Variants in KRT20 observed in about 807,000 individuals in gnomAD.
KRT20 encodes keratin 20, also known as keratin, type I cytoskeletal 20.
Under a neutral mutation model 43.0 loss-of-function variants are expected in KRT20, and 41 were observed. The observed-to-expected ratio is 0.95, with a 90% CI of 0.74 to 1.24. The LOEUF (loss-of-function observed/expected upper bound fraction) is 1.24, where lower values mean the gene tolerates loss of function less well. Ranked by LOEUF, KRT20 falls within the 50% of genes most tolerant of loss-of-function variation. KRT20 has a pLI of 0.00. For missense variants in KRT20, 533 were observed against 521.2 expected, an observed-to-expected ratio of 1.02 and a Z score of -0.22; for synonymous variants, 207 against 200.6, an observed-to-expected ratio of 1.03 and a Z score of -0.27.
At chr17:40,879,976 T>G in intron 4 of KRT20, 38 bp from the exon 5 acceptor site, 1 of 1,598,852 alleles carries the variant, frequency 6.3e-7, no homozygotes, top group Non-Finnish European at 8.5e-7. Flanking sequence ...AGTTGAGGGG[T>G]GGAAATAAGA....
intron 5 of KRT20, among the ~76,000 whole-genome samples, chr17:40,879,349 T>A (rs1907485204): frequency 6.6e-6 from 1 of 152,172 alleles, no homozygotes; most frequent in Non-Finnish European, 1.5e-5. Context: ...GATTTTGAGA[T>A]CTGGTATAAT....
At chr17:40,881,455 G>A (rs376275040) in intron 2 of KRT20, among the ~76,000 whole-genome samples, 5 of 152,112 alleles carry the variant, frequency 3.3e-5, no homozygotes, top group African/African-American at 7.2e-5. Context: ...GTTTTGCCAC[G>A]TTGCCCAAGC....
At chr17:40,881,491 G>A (rs532478892) in intron 2 of KRT20, among the ~76,000 whole-genome samples, 1 of 152,250 alleles carries the variant, frequency 6.6e-6, no homozygotes, top group African/African-American at 2.4e-5. Flanking sequence ...GGACTCAAGT[G>A]AGCCTCCTGC....
chr17:40,878,905 G>T (rs535596238), intron 5 of KRT20, among the ~76,000 whole-genome samples: 4 of 151,842 alleles, frequency 2.6e-5, no homozygotes, highest in Non-Finnish European at 4.4e-5. Flanking sequence ...GGGTTCAAGC[G>T]ATTCTCCTGC....
At chr17:40,884,585 T>C (rs542170921) in intron 1 of KRT20, among the ~76,000 whole-genome samples, 1 of 152,346 alleles carries the variant, frequency 6.6e-6, no homozygotes, top group Non-Finnish European at 1.5e-5. Context: ...TGTATGTAAT[T>C]GTGTTAAACA....
rs377652428 is a variant in KRT20 at position 40,878,169 on chromosome 17, C to T, written c.1115G>A (p.Arg372His). Residue 372 changes from arginine (R) to histidine (H), a missense_variant, in exon 6 of 8, where the codon CGC becomes CAC. Arg to His is a conservative substitution (Grantham distance 29, BLOSUM62 0). Coordinates refer to ENST00000167588, the MANE Select transcript of KRT20 (RefSeq NM_019010.3). ...RLEQEIATYR[R>H]LLEGEDVKTT... ...CTTTACGTCTTCTCCTTCCAGAAGG[C>T]GGCGGTAAGTAGCAATTTCCTGTTC... 1.1e-5 allele frequency: 17 copies of T among 1,613,790 alleles called. No homozygotes were observed. Among genetic ancestry groups the T allele is most frequent in the South Asian group, 2.2e-5 (2 of 91,078 alleles).
chr17:40,877,505 A>G (rs1907401230), intron 6 of KRT20, 88 bp from the exon 7 acceptor site: 1 of 764,212 alleles, frequency 1.3e-6, no homozygotes, highest in Admixed American at 3.2e-5. Flanking sequence ...CCTGTCTTTT[A>G]TATTTCAAAG....
intron 7 of KRT20, among the ~76,000 whole-genome samples, chr17:40,876,763 T>G (rs978827709): frequency 6.6e-6 from 1 of 152,168 alleles, no homozygotes; most frequent in African/African-American, 2.4e-5. Context: ...AAGATAGCAA[T>G]AGCACAGGCC....
Position 40,878,357 on chromosome 17 carries a change from A to G in KRT20, c.927T>C (p.Ser309=), listed in dbSNP as rs1280255499. The part of the protein sequence containing the change: ...ELQSHLSMKE[S]LEHTLEETKA... The stretch of plus-strand genomic sequence containing the variant: ...TGGTCTCCTCTAGAGTGTGCTCCAA[A>G]GACTCTTTCTATGAGCACAAGAAAA... Residue 309 remains serine, a synonymous_variant, in exon 6 of 8, where the codon TCT becomes TCC. Transcript: ENST00000167588. 6.2e-7 allele frequency: 1 copy of G among 1,613,376 alleles called. No homozygotes were observed. Among genetic ancestry groups the G allele is most frequent in the East Asian group, 2.2e-5 (1 of 44,862 alleles).
chr17:40,880,507 TCAC>T (rs754362177), intron 3 of KRT20, 104 bp downstream of exon 3: 33 of 959,222 alleles, frequency 3.4e-5, no homozygotes, highest in Non-Finnish European at 4.8e-5. Context: ...TCTGTCACTA[TCAC>T]CACCAACTCT....
chr17:40,877,221 A>G (rs1191383549), intron 7 of KRT20, among the ~76,000 whole-genome samples, 159 bp downstream of exon 7: 1 of 152,216 alleles, frequency 6.6e-6, no homozygotes, highest in Non-Finnish European at 1.5e-5. Context: ...ACTGTGAGCC[A>G]AGTAAACGTC....
At chr17:40,879,969 T>A in intron 4 of KRT20, 31 bp from the exon 5 acceptor site, 4 of 1,605,132 alleles carry the variant, frequency 2.5e-6, no homozygotes, top group Non-Finnish European at 3.4e-6. Context: ...AAAAAATAGT[T>A]GAGGGGTGGA....
Position 40,876,273 on chromosome 17 carries a change from C to A in KRT20, c.*88G>T. ...CACTGCAGAGTATTAATAGTGCTTT[C>A]TTATGGCTGATTTCTTGCAGGGAGC... On this transcript the variant is annotated 3_prime_UTR_variant, in exon 8 of 8. Transcript: ENST00000167588. 40 of 840,286 alleles carry A rather than the reference C, an allele frequency of 4.8e-5. No individual in the cohort carries two copies. Among genetic ancestry groups the A allele is most frequent in the East Asian group, 7.5e-5 (3 of 40,176 alleles). 52.1% of individuals were successfully genotyped at this position (840,286 alleles called of 1,614,324 possible). A position where few individuals can be genotyped will look rare whatever the true frequency, so the allele number is the denominator to read the frequency against.
intron 5 of KRT20, among the ~76,000 whole-genome samples, chr17:40,879,598 C>G (rs1907498286): frequency 6.6e-6 from 1 of 152,066 alleles, no homozygotes; most frequent in Non-Finnish European, 1.5e-5. Flanking sequence ...GTGAAATCTT[C>G]CAGATTTACT....
At chr17:40,879,164 C>G (rs1907477669) in intron 5 of KRT20, among the ~76,000 whole-genome samples, 1 of 152,148 alleles carries the variant, frequency 6.6e-6, no homozygotes, top group South Asian at 2.1e-4. Context: ...TAGGTAGGGC[C>G]TACCCCTTTA....
intron 2 of KRT20, among the ~76,000 whole-genome samples, chr17:40,881,261 G>A (rs1043849283): frequency 1.4e-5 from 2 of 143,968 alleles, no homozygotes; most frequent in South Asian, 2.3e-4. Flanking sequence ...GTGTGTGTGT[G>A]TATTTGAGAC....
chr17:40,882,484 T>C, intron 2 of KRT20, 88 bp downstream of exon 2: 1 of 573,384 alleles, frequency 1.7e-6, no homozygotes, highest in Non-Finnish European at 2.9e-6. Flanking sequence ...GCTTCCTTTA[T>C]CAACAATGAT....
intron 2 of KRT20, among the ~76,000 whole-genome samples, chr17:40,881,254 T>TGTGTGTGTGTGTGTGTGTGTGTGA (rs1907585006): frequency 6.6e-6 from 1 of 151,866 alleles, no homozygotes; most frequent in African/African-American, 2.4e-5. Context: ...TGTGTGTGTG[T>TGTGTGTGTGTGTGTGTGTGTGTGA]GTGTGTGTAT....
intron 4 of KRT20, 77 bp from the exon 5 acceptor site, chr17:40,880,015 T>G: frequency 6.3e-7 from 1 of 1,595,426 alleles, no homozygotes; most frequent in Non-Finnish European, 8.6e-7. Context: ...AAAGGAAGAA[T>G]GAACAAATGA....
Sources: allele counts gnomAD v4.1 joint callset (sites outside exome capture counted in the v4.1 genomes callset), GRCh38; gene constraint gnomAD v4.1.1; transcripts MANE v1.5; gene names NCBI Gene and HGNC (gene_info 2026-07-23, HGNC 2026-07-21).